The following STXBP5L variants were observed in gnomAD, a reference collection of about 807,000 sequenced individuals.
STXBP5L encodes syntaxin-binding protein 5-like.
A neutral mutation model predicts 144.5 loss-of-function variants in STXBP5L; 65 were observed. The observed-to-expected ratio is 0.45, with a 90% confidence interval of 0.37 to 0.55. The LOEUF (loss-of-function observed/expected upper bound fraction) is 0.55. Among genes scored for constraint, STXBP5L ranks in the 20% least tolerant of loss-of-function variants. The pLI, the probability that STXBP5L is intolerant of heterozygous loss-of-function variation, is 0.00. For synonymous variants in STXBP5L, 505 were observed against 469.6 expected (o/e 1.08, Z -0.97); for missense variants, 1,298 against 1,405.5 (o/e 0.92, Z 1.22).
chr3:121,337,032 C>A (rs1276253930), intron 20 of STXBP5L, among the ~76,000 whole-genome samples: 1 of 152,014 alleles, frequency 6.6e-6, no homozygotes, highest in African/African-American at 2.4e-5. Context: ...TTCTCATTTA[C>A]AAGTGGGAGC....
chr3:121,025,402 A>T (rs1035113658), intron 3 of STXBP5L, among the ~76,000 whole-genome samples: 5 of 139,522 alleles, frequency 3.6e-5, no homozygotes, highest in African/African-American at 1.2e-4. Context: ...CATTATATAT[A>T]AGTGGGTTTT....
chr3:121,361,371 T>C (rs2045706995), intron 20 of STXBP5L, among the ~76,000 whole-genome samples: 1 of 152,194 alleles, frequency 6.6e-6, no homozygotes. Flanking sequence ...TTCCTTTGAA[T>C]AAAACTTCTA....
At chr3:121,059,829 G>A (rs2041173715) in intron 5 of STXBP5L, among the ~76,000 whole-genome samples, 1 of 152,158 alleles carries the variant, frequency 6.6e-6, no homozygotes, top group African/African-American at 2.4e-5. Flanking sequence ...TTTGTATTCT[G>A]AGACTTTGCT....
intron 19 of STXBP5L, among the ~76,000 whole-genome samples, chr3:121,284,260 CT>C (rs1182292835): frequency 6.6e-6 from 1 of 151,708 alleles, no homozygotes; most frequent in Non-Finnish European, 1.5e-5. Flanking sequence ...TTCTACTATT[CT>C]CCTCTTAAGC....
intron 7 of STXBP5L, among the ~76,000 whole-genome samples, chr3:121,123,519 A>T (rs1475062649): frequency 3.3e-5 from 5 of 151,628 alleles, no homozygotes; most frequent in Admixed American, 2.6e-4. Context: ...GTATAAAACC[A>T]CTTGAACATT....
chr3:121,322,829 C>T (rs1184624991), intron 20 of STXBP5L, among the ~76,000 whole-genome samples: 1 of 152,136 alleles, frequency 6.6e-6, no homozygotes, highest in East Asian at 1.9e-4. Flanking sequence ...ATAAGTGTTC[C>T]CTTTCCTCTG....
intron 9 of STXBP5L, among the ~76,000 whole-genome samples, chr3:121,159,690 C>T (rs557198080): frequency 7.7e-5 from 11 of 142,140 alleles, no homozygotes; most frequent in Non-Finnish European, 1.3e-4. Context: ...ACTGCAGTGG[C>T]GCTGTCTTGG....
intron 7 of STXBP5L, among the ~76,000 whole-genome samples, chr3:121,129,717 C>G (rs1304338198): frequency 6.6e-6 from 1 of 152,034 alleles, no homozygotes; most frequent in Non-Finnish European, 1.5e-5. Flanking sequence ...TCTCAGTAAT[C>G]TTGATTGTCT....
chr3:121,045,423 T>A lies in STXBP5L; in HGVS notation c.370-12T>A. On this transcript the variant is annotated splice_polypyrimidine_tract_variant and intron_variant, in intron 4 of 26. Coordinates refer to ENST00000471454, the MANE Select transcript of STXBP5L (RefSeq NM_001308330.2). ...TAAATCACACACTTACTTTATCTTC[T>A]TTTTGTTCTAGGGTGCCTTGGTCAG... The A allele has an allele frequency of 1.3e-6, 2 of 1,593,088 alleles. No individual in the cohort carries two copies. Among genetic ancestry groups the A allele is most frequent in the South Asian group, 2.3e-5 (2 of 85,870 alleles).
chr3:121,111,354 C>A (rs965982679), intron 5 of STXBP5L, among the ~76,000 whole-genome samples: 1 of 152,134 alleles, frequency 6.6e-6, no homozygotes, highest in Non-Finnish European at 1.5e-5. Context: ...TTCATTGATT[C>A]TTTCTCATCT....
Position 121,077,496 on chromosome 3 carries a change from A to G in STXBP5L, c.470+31961A>G, listed in dbSNP as rs531856665. On this transcript the variant is annotated intron_variant, in intron 5 of 26. Transcript: ENST00000471454. ...TCACGGTGAGTGTTACAGCTCATAA[A>G]GGCAGTGTGGACCCAAAGAGTGAGC... Among the ~76,000 whole-genome samples the G allele has an allele frequency of 2.0e-5, 3 of 152,270 alleles. No individual in the cohort carries two copies. The South Asian group carries it at 6.2e-4, about 32-fold the overall frequency.
At chr3:120,978,172 T>C (rs1258003124) in intron 3 of STXBP5L, among the ~76,000 whole-genome samples, 3 of 152,232 alleles carry the variant, frequency 2.0e-5, no homozygotes, top group Non-Finnish European at 4.4e-5. Flanking sequence ...CCTGTCACTT[T>C]CAGATACACC....
chr3:121,176,800 G>A (rs928380990), intron 9 of STXBP5L, among the ~76,000 whole-genome samples: 2 of 151,546 alleles, frequency 1.3e-5, no homozygotes, highest in East Asian at 1.9e-4. Flanking sequence ...TGAAATGAAG[G>A]AGTTTTTTTA....
intron 20 of STXBP5L, among the ~76,000 whole-genome samples, chr3:121,353,519 G>A (rs376565194): frequency 2.0e-5 from 3 of 151,966 alleles, no homozygotes; most frequent in Non-Finnish European, 4.4e-5. Flanking sequence ...CTATGGGATC[G>A]GTGGTGATAT....
chr3:121,209,965 G>A (rs1360951415), intron 10 of STXBP5L, among the ~76,000 whole-genome samples: 2 of 152,114 alleles, frequency 1.3e-5, no homozygotes, highest in Non-Finnish European at 2.9e-5. Context: ...GGGATGGCTG[G>A]GTCAAATGGT....
At chr3:120,945,934 G>C (rs979851653) in intron 2 of STXBP5L, among the ~76,000 whole-genome samples, 22 of 151,718 alleles carry the variant, frequency 1.5e-4, no homozygotes, top group Non-Finnish European at 1.0e-4. Context: ...TCCAGCTCTG[G>C]TTTGTTTGGG....
chr3:121,055,587 T>A (rs1259092780), intron 5 of STXBP5L, among the ~76,000 whole-genome samples: 1 of 152,192 alleles, frequency 6.6e-6, no homozygotes, highest in East Asian at 1.9e-4. Flanking sequence ...CCTAGCTCAC[T>A]GCAGCCTCAA....
intron 10 of STXBP5L, among the ~76,000 whole-genome samples, chr3:121,218,123 TATA>T (rs1208934256): frequency 4.3e-5 from 6 of 140,338 alleles, no homozygotes; most frequent in African/African-American, 1.6e-4. Flanking sequence ...TATAGTATAA[TATA>T]ATATGTAGTA....
intron 3 of STXBP5L, among the ~76,000 whole-genome samples, chr3:121,015,993 G>A (rs1412691741): frequency 6.6e-6 from 1 of 152,182 alleles, no homozygotes; most frequent in Non-Finnish European, 1.5e-5. Context: ...AACAAGTGCA[G>A]ACTCTGTCTG....
Sources: gnomAD v4.1 joint callset for allele counts (sites outside exome capture counted in the v4.1 genomes callset) on GRCh38, gnomAD v4.1.1 for gene constraint, MANE v1.5 for transcripts, NCBI Gene and HGNC (gene_info 2026-07-23, HGNC 2026-07-21) for gene names.